CUX1: variants seen among roughly 807,000 people sequenced by gnomAD.
CUX1 encodes the protein cut like homeobox 1, also known as protein CASP.
Under a neutral mutation model 158.8 loss-of-function variants are expected in CUX1, and 31 were observed. That is an observed-to-expected ratio of 0.20 (90% confidence interval 0.15 to 0.26). CUX1 has a LOEUF of 0.26. Among genes scored for constraint, CUX1 ranks in the 10% least tolerant of loss-of-function variants. CUX1 has a pLI of 1.00. For missense variants in CUX1, 1,589 were observed against 2,014.6 expected, an observed-to-expected ratio of 0.79 and a Z score of 4.04; for synonymous variants, 879 against 862.1, an observed-to-expected ratio of 1.02 and a Z score of -0.34.
chr7:102,133,393 T>C (rs879987255), intron 8 of CUX1, among the ~76,000 whole-genome samples: 1 of 151,878 alleles, frequency 6.6e-6, no homozygotes, highest in African/African-American at 2.4e-5. Context: ...TCTCCCTCAT[T>C]CTAGGGGCTC....
chr7:102,232,566 C>T (rs1799119511), intron 21 of CUX1, among the ~76,000 whole-genome samples: 1 of 152,160 alleles, frequency 6.6e-6, no homozygotes, highest in South Asian at 2.1e-4. Context: ...TCCCAGTCTC[C>T]ACTTCCACCT....
Position 102,028,127 on chromosome 7 carries a change from G to A in CUX1, c.171G>A (p.Leu57=). Residue 57 remains leucine (L), a synonymous_variant, in exon 3 of 24, where the codon CTG becomes CTA. Coordinates refer to ENST00000292535, the MANE Select transcript of CUX1 (RefSeq NM_181552.4). ...EDLRKQVAPL[L]KSFQGEIDAL... ...TGCGCAAGCAGGTAGCGCCGCTGCT[G>A]AAGAGTTTCCAAGGAGAGGTAAGCT... 2 of 1,612,690 alleles carry A rather than the reference G, an allele frequency of 1.2e-6. No homozygotes were observed. Among genetic ancestry groups the A allele is most frequent in the South Asian group, 1.1e-5 (1 of 91,012 alleles).
At chr7:102,114,256 C>T (rs1271983114) in intron 7 of CUX1, among the ~76,000 whole-genome samples, 2 of 152,170 alleles carry the variant, frequency 1.3e-5, no homozygotes, top group African/African-American at 4.8e-5. Context: ...TTTTTCTTAA[C>T]GTAAAATACA....
rs572023007 is a variant in CUX1 at position 102,203,534 on chromosome 7, C to T, written c.2908-857C>T. 8.5e-5 allele frequency among the ~76,000 whole-genome samples: 13 copies of T among 152,352 alleles called. No homozygotes were observed. In the East Asian group the frequency reaches 2.3e-3, roughly 27 times the overall value. On this transcript the variant is annotated intron_variant, in intron 18 of 23. Coordinates refer to ENST00000292535, the MANE Select transcript of CUX1 (RefSeq NM_181552.4). The stretch of plus-strand genomic sequence containing the variant: ...GAGTATTTCAAGTCCCTTGAGATTT[C>T]TAGTTCAGTGTTGTAAAAATACCAT...
upstream of CUX1, chr7:101,817,613 G>A (rs769984775): frequency 2.6e-6 from 4 of 1,542,548 alleles, no homozygotes; most frequent in Non-Finnish European, 3.5e-6. This position sits in a 1 kb window ranked among gnomAD's most constrained non-coding sequence, Gnocchi z 4.1. Flanking sequence ...CGCGGCGCCG[G>A]GACAGCCCCG....
At chr7:102,171,136 A>C (rs1791673007) in intron 10 of CUX1, among the ~76,000 whole-genome samples, 4 of 152,136 alleles carry the variant, frequency 2.6e-5, no homozygotes, top group Non-Finnish European at 5.9e-5. Flanking sequence ...GTGGCTTTGA[A>C]CTATGGGTTT....
intron 1 of CUX1, among the ~76,000 whole-genome samples, chr7:101,846,323 C>CTTT (rs34213913): frequency 3.4e-5 from 5 of 145,464 alleles, no homozygotes; most frequent in Admixed American, 6.9e-5. Flanking sequence ...AATGCAACTC[C>CTTT]TTTTTTTTTT....
At chr7:102,182,141 C>A (rs1284350125) in intron 11 of CUX1, among the ~76,000 whole-genome samples, 3 of 152,222 alleles carry the variant, frequency 2.0e-5, no homozygotes, top group African/African-American at 7.2e-5. Flanking sequence ...AAGCTCCCAG[C>A]TCTGGGCTCA....
intron 2 of CUX1, among the ~76,000 whole-genome samples, chr7:101,972,745 T>C (rs754769387): frequency 1.3e-5 from 2 of 152,088 alleles, no homozygotes; most frequent in African/African-American, 2.4e-5. Context: ...CAGGCCGCCA[T>C]GGTGGGTGGG....
At chr7:102,280,213 C>T in intron 19 of CUX1, 1 of 783,520 alleles carries the variant, frequency 1.3e-6, no homozygotes, top group South Asian at 1.5e-5. Flanking sequence ...TCCCTGAGCA[C>T]TCGGCCTTCC....
At chr7:102,022,398 A>G (rs114060145) in intron 2 of CUX1, among the ~76,000 whole-genome samples, 1,764 of 152,224 alleles carry the variant, frequency 0.012, 36 homozygotes, top group African/African-American at 0.041. Context: ...TGGGTGGATC[A>G]CTTGAGCCTA....
chr7:102,055,966 A>G (rs1477508430), intron 3 of CUX1, among the ~76,000 whole-genome samples: 1 of 152,228 alleles, frequency 6.6e-6, no homozygotes, highest in Non-Finnish European at 1.5e-5. Context: ...CAAACCAGCC[A>G]CAACATTCTC....
intron 5 of CUX1, among the ~76,000 whole-genome samples, chr7:102,101,320 C>G (rs1829752093): frequency 1.3e-5 from 2 of 152,210 alleles, no homozygotes; most frequent in Admixed American, 1.3e-4. Context: ...CTTTAGATTC[C>G]TCTCTGTTAT....
chr7:101,970,852 G>A (rs925587460), intron 2 of CUX1, among the ~76,000 whole-genome samples: 12 of 152,084 alleles, frequency 7.9e-5, no homozygotes, highest in African/African-American at 2.2e-4. Context: ...CCCTGCACCC[G>A]GCTGAACCTT....
intron 4 of CUX1, among the ~76,000 whole-genome samples, chr7:102,094,717 G>T (rs1554483440): frequency 6.6e-6 from 1 of 152,150 alleles, no homozygotes; most frequent in African/African-American, 2.4e-5. Flanking sequence ...AATTTTATAC[G>T]TGATCAAAGG....
chr7:102,173,730 G>T (rs1465094021), intron 10 of CUX1, among the ~76,000 whole-genome samples: 14 of 152,186 alleles, frequency 9.2e-5, no homozygotes, highest in Non-Finnish European at 2.1e-4. Context: ...AGAAGGAAAT[G>T]AATGTTTTTG....
chr7:102,018,514 G>T (rs140823083), intron 2 of CUX1, among the ~76,000 whole-genome samples: 1,870 of 152,234 alleles, frequency 0.012, 14 homozygotes, highest in Non-Finnish European at 0.018. Context: ...TGGAGCTGGC[G>T]CTTGCATGCC....
intron 2 of CUX1, among the ~76,000 whole-genome samples, chr7:102,000,071 C>G (rs1046716087): frequency 2.0e-5 from 3 of 152,162 alleles, no homozygotes; most frequent in African/African-American, 7.2e-5. Context: ...CAAAAATTAG[C>G]TAGGCGTGGT....
At chr7:101,838,857 C>T (rs1168022904) in intron 1 of CUX1, among the ~76,000 whole-genome samples, 5 of 152,116 alleles carry the variant, frequency 3.3e-5, no homozygotes, top group African/African-American at 7.2e-5. Context: ...TCCAGACTGC[C>T]GTAACAGAAT....
Sources: allele counts gnomAD v4.1 joint callset (sites outside exome capture counted in the v4.1 genomes callset), GRCh38; gene constraint gnomAD v4.1.1; non-coding constraint Gnocchi (gnomAD v3.1); transcripts MANE v1.5; gene names NCBI Gene and HGNC (gene_info 2026-07-23, HGNC 2026-07-21).